Variants in SPON1 observed in about 807,000 individuals in gnomAD.
SPON1 encodes the protein spondin-1.
Under a neutral mutation model 111.7 loss-of-function variants are expected in SPON1, and 52 were observed. The observed-to-expected ratio is 0.47, with a 90% CI of 0.37 to 0.59. The LOEUF is 0.59. Among genes scored for constraint, SPON1 ranks in the 20% least tolerant of loss-of-function variants. The pLI is 0.00. For missense variants in SPON1, 957 were observed against 1,068.5 expected (o/e 0.90, Z 1.46); for synonymous variants, 410 against 395.8 (o/e 1.04, Z -0.43).
chr11:13,979,459 T>C (rs1304239326), intron 1 of SPON1, among the ~76,000 whole-genome samples: 4 of 152,174 alleles, frequency 2.6e-5, no homozygotes, highest in Non-Finnish European at 4.4e-5. Flanking sequence ...AGGATTCAGA[T>C]GAAAGTGATT....
intron 2 of SPON1, among the ~76,000 whole-genome samples, chr11:14,036,945 C>T (rs2133811436): frequency 6.6e-6 from 1 of 151,986 alleles, no homozygotes; most frequent in South Asian, 2.1e-4. Context: ...TTTGGTAGTG[C>T]AATGTGGCCT....
intron 7 of SPON1, 70 bp from the exon 8 acceptor site, chr11:14,254,458 G>T (rs1422776089): frequency 2.3e-6 from 3 of 1,333,320 alleles, no homozygotes; most frequent in African/African-American, 1.5e-5. Context: ...CATAATCCAG[G>T]CAGATTTCCC....
At chr11:14,256,204 G>A (rs782061422) in intron 9 of SPON1, among the ~76,000 whole-genome samples, 8 of 152,154 alleles carry the variant, frequency 5.3e-5, no homozygotes, top group East Asian at 1.9e-4. Context: ...CCAAGATTGC[G>A]CCATTGCGCT....
chr11:13,977,453 G>A (rs1258103751), intron 1 of SPON1, among the ~76,000 whole-genome samples: 1 of 152,144 alleles, frequency 6.6e-6, no homozygotes, highest in Non-Finnish European at 1.5e-5. Context: ...CTTTGCATAT[G>A]TTTATTGGCC....
intron 2 of SPON1, among the ~76,000 whole-genome samples, chr11:13,983,227 G>C (rs1554909924): frequency 6.6e-6 from 1 of 152,276 alleles, no homozygotes; most frequent in Non-Finnish European, 1.5e-5. Flanking sequence ...CGTGGGGAGA[G>C]CACTTGGAGC....
intron 2 of SPON1, among the ~76,000 whole-genome samples, chr11:14,020,240 T>A (rs1483555319): frequency 2.0e-5 from 3 of 151,972 alleles, no homozygotes; most frequent in African/African-American, 7.3e-5. Flanking sequence ...AGGGAAGAGA[T>A]TTCAAATGCC....
intron 6 of SPON1, among the ~76,000 whole-genome samples, chr11:14,162,859 T>C (rs7932070): frequency 1 from 152,313 of 152,326 alleles, 76,150 homozygotes; most frequent in Middle Eastern, 1. Context: ...ATCATCCGGA[T>C]GCCCTAGCTC....
intron 6 of SPON1, among the ~76,000 whole-genome samples, chr11:14,146,167 T>TTTTG (rs1847716042): frequency 6.6e-6 from 1 of 150,990 alleles, no homozygotes; most frequent in Non-Finnish European, 1.5e-5. Context: ...TTTTTTTTTT[T>TTTTG]GAGACAGAGT....
intron 6 of SPON1, among the ~76,000 whole-genome samples, chr11:14,232,177 C>A (rs1564936702): frequency 6.6e-6 from 1 of 152,028 alleles, no homozygotes; most frequent in Non-Finnish European, 1.5e-5. Flanking sequence ...TCTAAAATTG[C>A]AGCATAACTC....
chr11:14,025,396 T>C (rs1320637358), intron 2 of SPON1, among the ~76,000 whole-genome samples: 1 of 152,244 alleles, frequency 6.6e-6, no homozygotes, highest in Non-Finnish European at 1.5e-5. Context: ...TGCTAGGTGC[T>C]GGTGACCCAA....
At chr11:14,213,962 C>A (rs1554936938) in intron 6 of SPON1, among the ~76,000 whole-genome samples, 1 of 152,142 alleles carries the variant, frequency 6.6e-6, no homozygotes, top group African/African-American at 2.4e-5. Context: ...CCATCAAACC[C>A]ATGTGTGCAC....
At chr11:14,203,366 G>A (rs1021714549) in intron 6 of SPON1, among the ~76,000 whole-genome samples, 4 of 152,174 alleles carry the variant, frequency 2.6e-5, no homozygotes, top group South Asian at 2.1e-4. Context: ...GGGTCTTGTC[G>A]TTAGGTGGGC....
chr11:14,061,847 ACTT>A (rs1297465128), intron 3 of SPON1, among the ~76,000 whole-genome samples: 4 of 152,220 alleles, frequency 2.6e-5, no homozygotes, highest in African/African-American at 7.2e-5. Context: ...AATCAAAACA[ACTT>A]CATTTTTATG....
intron 2 of SPON1, among the ~76,000 whole-genome samples, chr11:14,032,143 T>C (rs554779149): frequency 6.6e-6 from 1 of 152,342 alleles, no homozygotes; most frequent in Non-Finnish European, 1.5e-5. Flanking sequence ...AAGAAATATG[T>C]TCGTGATATG....
Position 14,079,952 on chromosome 11 carries a change from G to A in SPON1, c.607G>A (p.Gly203Arg), listed in dbSNP as rs782167818. Reference sequence around the variant, plus strand: ...ACCCATCTTAGACTGCTGTGCCTGCGGAACTGCCAAGTACAGACTCACATT... The same window carrying A: ...ACCCATCTTAGACTGCTGTGCCTGCAGAACTGCCAAGTACAGACTCACATT... ...DKPILDCCACGTAKYRLTFYG... is the reference protein window; with the variant it reads ...DKPILDCCACRTAKYRLTFYG... The change falls in exon 5 of 16, where the codon GGA becomes AGA. Residue 203 changes from glycine (G) to arginine (R), a missense_variant. By Grantham distance (125) the Gly-to-Arg change is moderately radical. This residue lies in a region of SPON1 where 5 missense variants were observed against 17.8 expected (regional missense o/e 0.28). Coordinates refer to ENST00000576479, the MANE Select transcript of SPON1 (RefSeq NM_006108.4). 5.0e-6 allele frequency: 8 copies of A among 1,613,888 alleles called. No individual in the cohort carries two copies. Among genetic ancestry groups the A allele is most frequent in the African/African-American group, 1.3e-5 (1 of 75,008 alleles).
chr11:14,240,590 TG>T (rs1247061020), intron 6 of SPON1, among the ~76,000 whole-genome samples: 3 of 2,940 alleles, frequency 1.0e-3, no homozygotes, highest in South Asian at 9.6e-3. Flanking sequence ...GAAGCAATAT[TG>T]TGTGTGTGTG....
chr11:14,148,401 C>T (rs1474563239), intron 6 of SPON1, among the ~76,000 whole-genome samples: 1 of 152,004 alleles, frequency 6.6e-6, no homozygotes, highest in Non-Finnish European at 1.5e-5. Flanking sequence ...ACTGTATTCC[C>T]TTTGGTGCCT....
At chr11:14,210,878 G>A (rs1305603349) in intron 6 of SPON1, among the ~76,000 whole-genome samples, 1 of 152,164 alleles carries the variant, frequency 6.6e-6, no homozygotes, top group African/African-American at 2.4e-5. Flanking sequence ...CCCGTTGCTT[G>A]TTTTTGTCAG....
intron 6 of SPON1, among the ~76,000 whole-genome samples, chr11:14,203,204 A>G (rs1554935842): frequency 1.3e-5 from 2 of 152,234 alleles, no homozygotes; most frequent in African/African-American, 2.4e-5. Flanking sequence ...CACAGAAGCA[A>G]TAGAAGCAAG....
Sources: gnomAD v4.1 joint callset for allele counts (sites outside exome capture counted in the v4.1 genomes callset) on GRCh38, gnomAD v4.1.1 for gene constraint, gnomAD v4.1.1 regional missense constraint, MANE v1.5 for transcripts, NCBI Gene and HGNC (gene_info 2026-07-23, HGNC 2026-07-21) for gene names.